The following RPRD1B variants were observed in gnomAD, a reference collection of about 807,000 sequenced individuals.
The protein encoded by RPRD1B is regulation of nuclear pre-mRNA domain-containing protein 1B.
RPRD1B carries 11 observed loss-of-function variants against 41.5 expected under a neutral mutation model. The ratio of observed to expected loss-of-function variants is 0.27; its 90% CI spans 0.17 to 0.44. The LOEUF is 0.44. Ranked by LOEUF, RPRD1B falls within the 20% of genes least tolerant of loss-of-function variation. The pLI, the probability that RPRD1B is intolerant of heterozygous loss-of-function variation, is 1.00. For missense variants in RPRD1B, 248 were observed against 389.9 expected (o/e 0.64, Z 3.06); for synonymous variants, 158 against 155.6 (o/e 1.02, Z -0.12).
chr20:38,075,995 G>A (rs1027987540), intron 6 of RPRD1B, among the ~76,000 whole-genome samples: 9 of 152,066 alleles, frequency 5.9e-5, no homozygotes, highest in South Asian at 2.1e-4. Flanking sequence ...CAATAACTTC[G>A]CAAACTTCAA....
intron 3 of RPRD1B, among the ~76,000 whole-genome samples, chr20:38,054,221 G>T (rs925418784): frequency 6.6e-6 from 1 of 152,156 alleles, no homozygotes; most frequent in Non-Finnish European, 1.5e-5. Context: ...GAAAGTGTTC[G>T]TAATGGAAAT....
At chr20:38,071,721 G>A (rs555137385) in intron 6 of RPRD1B, among the ~76,000 whole-genome samples, 3 of 152,106 alleles carry the variant, frequency 2.0e-5, no homozygotes, top group African/African-American at 7.2e-5. Context: ...CTTTATTTTC[G>A]ACAACCTACA....
At chr20:38,054,161 G>C (rs1356669733) in intron 3 of RPRD1B, among the ~76,000 whole-genome samples, 1 of 152,120 alleles carries the variant, frequency 6.6e-6, no homozygotes, top group Non-Finnish European at 1.5e-5. Context: ...TGGGACCTTG[G>C]GATAGATTCT....
intron 6 of RPRD1B, among the ~76,000 whole-genome samples, chr20:38,066,866 A>G (rs2074362967): frequency 6.6e-6 from 1 of 152,124 alleles, no homozygotes; most frequent in South Asian, 2.1e-4. Context: ...CATGTTAGCC[A>G]GGATAGTCTT....
At chr20:38,082,514 G>A (rs907056750) in intron 6 of RPRD1B, among the ~76,000 whole-genome samples, 2 of 152,096 alleles carry the variant, frequency 1.3e-5, no homozygotes, top group Non-Finnish European at 2.9e-5. Context: ...AGCCTCCCGA[G>A]CAGCTGGGAC....
chr20:38,074,330 G>A (rs1029147553), intron 6 of RPRD1B, among the ~76,000 whole-genome samples: 1 of 152,114 alleles, frequency 6.6e-6, no homozygotes, highest in Non-Finnish European at 1.5e-5. Flanking sequence ...GCTTTTATCT[G>A]TTGGGTGTGT....
intron 6 of RPRD1B, among the ~76,000 whole-genome samples, chr20:38,074,460 TGAGACTTTGAGACTTTACATTGAAAAA>T (rs2074440772): frequency 6.6e-6 from 1 of 152,228 alleles, no homozygotes; most frequent in African/African-American, 2.4e-5. Context: ...TGCCAACATT[TGAGACTTTGAGACTTTACATTGAAAAA>T]GTGACACGGT....
At chr20:38,060,582 G>A (rs1421915165) in intron 5 of RPRD1B, among the ~76,000 whole-genome samples, 6 of 152,134 alleles carry the variant, frequency 3.9e-5, no homozygotes, top group Non-Finnish European at 5.9e-5. Context: ...CGAAAAATTA[G>A]GAAGCAAGCC....
In RPRD1B at chr20:38,091,746, CAA is replaced by C. The variant is rs2074613927; in HGVS notation, c.*1874_*1875del. The C allele has an allele frequency of 1.0e-6, 1 of 985,664 alleles. No homozygotes were observed. The highest frequency in any genetic ancestry group is 1.2e-6 in the Non-Finnish European group (1 of 829,916). The allele number at this position is 985,664 out of a possible 1,614,324, so 61.1% of individuals were successfully genotyped here. ...GCGATCTGAGCAGCCACAATCCAGC[CAA>C]AAGAGGATCGTAGATATTTGCTCTG... is the stretch of plus-strand genomic sequence containing the variant. On this transcript the variant is annotated 3_prime_UTR_variant, in exon 7 of 7. Transcript: ENST00000373433.
chr20:38,087,083 G>A (rs959397538), intron 6 of RPRD1B, among the ~76,000 whole-genome samples: 9 of 152,104 alleles, frequency 5.9e-5, no homozygotes, highest in East Asian at 3.9e-4. Context: ...TCAGCCCCCT[G>A]AGTAGCTGCG....
intron 3 of RPRD1B, among the ~76,000 whole-genome samples, chr20:38,049,218 G>A (rs2062166257): frequency 6.7e-6 from 1 of 150,230 alleles, no homozygotes; most frequent in East Asian, 2.0e-4. Flanking sequence ...CAAAGTGCTG[G>A]ATTACAGGTG....
At chr20:38,073,033 A>T (rs964546370) in intron 6 of RPRD1B, among the ~76,000 whole-genome samples, 4 of 152,256 alleles carry the variant, frequency 2.6e-5, no homozygotes, top group African/African-American at 9.6e-5. Flanking sequence ...AGACCAGCAT[A>T]GAGTCCAAGG....
At position 38,089,889 on chromosome 20, in the gene RPRD1B, T is replaced by G. The variant is rs200415131; in HGVS notation, c.*14T>G. On this transcript the variant is annotated 3_prime_UTR_variant, in exon 7 of 7. Transcript: ENST00000373433. The stretch of plus-strand genomic sequence containing the variant: ...TCAACTGACTAGGATGGGTGTCATG[T>G]CCCAGATTTCTGTTTGTACCAGCAG... The G allele has an allele frequency of 6.2e-7, 1 of 1,608,042 alleles. No homozygotes were observed. Among genetic ancestry groups the G allele is most frequent in the East Asian group, 2.2e-5 (1 of 44,828 alleles).
intron 6 of RPRD1B, among the ~76,000 whole-genome samples, chr20:38,088,092 TTTCTC>T (rs2074578748): frequency 6.6e-6 from 1 of 152,296 alleles, no homozygotes; most frequent in African/African-American, 2.4e-5. Flanking sequence ...TCTCTACCCT[TTTCTC>T]TTCCTTTGTA....
Position 38,090,430 on chromosome 20 carries a change from C to G in RPRD1B, c.*555C>G. The stretch of plus-strand genomic sequence containing the variant: ...CTCTGATCCTCCCTTTCCATTGCTT[C>G]TCCTAGTGATGCACGAAGATTAGGT... On this transcript the variant is annotated 3_prime_UTR_variant, in exon 7 of 7. Transcript: ENST00000373433. 1.0e-6 allele frequency: 1 copy of G among 986,008 alleles called. No individual in the cohort carries two copies. Among genetic ancestry groups the G allele is most frequent in the Non-Finnish European group, 1.2e-6 (1 of 830,084 alleles). 61.1% of individuals were successfully genotyped at this position (986,008 alleles called of 1,614,324 possible). A position where few individuals can be genotyped will look rare whatever the true frequency, so the allele number is the denominator to read the frequency against.
At chr20:38,077,710 T>TC (rs895931757) in intron 6 of RPRD1B, among the ~76,000 whole-genome samples, 2 of 152,128 alleles carry the variant, frequency 1.3e-5, no homozygotes, top group African/African-American at 2.4e-5. Flanking sequence ...TCATCATCTG[T>TC]CCCCCCTGGA....
At chr20:38,080,317 G>A (rs977780502) in intron 6 of RPRD1B, among the ~76,000 whole-genome samples, 1 of 152,164 alleles carries the variant, frequency 6.6e-6, no homozygotes, top group African/African-American at 2.4e-5. Flanking sequence ...TTTCTCCTAG[G>A]GTCTTTGTAG....
Position 38,057,736 on chromosome 20 carries a change from G to A in RPRD1B, c.528+92G>A. The A allele has an allele frequency of 5.6e-6, 5 of 887,388 alleles. No homozygotes were observed. The South Asian group carries it at 7.2e-5, about 13-fold the overall frequency. 55.0% of individuals were successfully genotyped at this position (887,388 alleles called of 1,614,324 possible). On this transcript the variant is annotated intron_variant, in intron 4 of 6. Transcript: ENST00000373433. ...CACAAGGTGGCGCCAGTGACCACTG[G>A]TATGGAATCATCAGAGGGCACCTCT...
intron 3 of RPRD1B, among the ~76,000 whole-genome samples, chr20:38,050,218 T>G (rs1038610322): frequency 2.6e-5 from 4 of 152,254 alleles, no homozygotes; most frequent in African/African-American, 9.6e-5. Context: ...TCTGGAATTA[T>G]TTGCATTTTG....
Sources: gnomAD v4.1 joint callset for allele counts (sites outside exome capture counted in the v4.1 genomes callset) on GRCh38, gnomAD v4.1.1 for gene constraint, MANE v1.5 for transcripts, NCBI Gene and HGNC (gene_info 2026-07-23, HGNC 2026-07-21) for gene names.